GRID2: variants seen among roughly 807,000 people sequenced by gnomAD.
GRID2 encodes glutamate ionotropic receptor delta type subunit 2.
GRID2 carries 33 observed loss-of-function variants against 114.8 expected under a neutral mutation model. That is an observed-to-expected ratio of 0.29 (90% CI 0.22 to 0.38). The LOEUF (loss-of-function observed/expected upper bound fraction) is 0.38. Among genes scored for constraint, GRID2 ranks in the 10% least tolerant of loss-of-function variants. The pLI is 1.00. For synonymous variants in GRID2, 505 were observed against 449.9 expected (o/e 1.12, Z -1.55); for missense variants, 1,184 against 1,257.7 (o/e 0.94, Z 0.89).
intron 1 of GRID2, among the ~76,000 whole-genome samples, chr4:92,519,910 T>C (rs1724682700): frequency 6.6e-6 from 1 of 151,822 alleles, no homozygotes; most frequent in East Asian, 2.0e-4. Context: ...GGTCCACCCA[T>C]ATTGGGGGGC....
At chr4:92,919,994 G>T (rs577921187) in intron 2 of GRID2, among the ~76,000 whole-genome samples, 15 of 152,214 alleles carry the variant, frequency 9.9e-5, no homozygotes, top group African/African-American at 3.6e-4. Context: ...AAGTCTCTTT[G>T]TAGGTCCAAG....
chr4:92,563,809 A>T (rs1483788931), intron 1 of GRID2, among the ~76,000 whole-genome samples: 1 of 152,062 alleles, frequency 6.6e-6, no homozygotes, highest in Non-Finnish European at 1.5e-5. Flanking sequence ...CTACTCAGTT[A>T]CCTTTACTTC....
chr4:93,645,712 A>G (rs1722048353), intron 14 of GRID2, among the ~76,000 whole-genome samples: 1 of 152,086 alleles, frequency 6.6e-6, no homozygotes, highest in Non-Finnish European at 1.5e-5. Context: ...GCCTTACCAT[A>G]AGGCTTCTAT....
chr4:92,874,476 G>T (rs1034824575), intron 2 of GRID2, among the ~76,000 whole-genome samples: 3 of 152,008 alleles, frequency 2.0e-5, no homozygotes, highest in Non-Finnish European at 2.9e-5. Context: ...AATTAATAGT[G>T]ATAAGCAGTT....
rs28544360 is a variant in GRID2, at chr4:92,388,062, A to C, written c.88+83318A>C. Among the ~76,000 whole-genome samples, 1,242 of 152,140 alleles carry C rather than the reference A, an allele frequency of 8.2e-3. 5 individuals are homozygous for C. Among genetic ancestry groups the C allele is most frequent in the Non-Finnish European group, 0.012 (811 of 67,960 alleles). Reference sequence around the variant, plus strand: ...AATTTTTGTTACCGTTGTTGGACATAATATTTTACATTTCCTACCAGCACT... The same window carrying C: ...AATTTTTGTTACCGTTGTTGGACATCATATTTTACATTTCCTACCAGCACT... On this transcript the variant is annotated intron_variant, in intron 1 of 15. Coordinates refer to ENST00000282020, the MANE Select transcript of GRID2 (RefSeq NM_001510.4).
intron 14 of GRID2, among the ~76,000 whole-genome samples, chr4:93,645,524 G>GT (rs1722030646): frequency 2.0e-5 from 3 of 152,076 alleles, no homozygotes; most frequent in African/African-American, 7.2e-5. Context: ...AAAAGGTTGA[G>GT]GCAAAAATGT....
chr4:92,466,259 A>G (rs1721746332), intron 1 of GRID2, among the ~76,000 whole-genome samples: 1 of 151,870 alleles, frequency 6.6e-6, no homozygotes, highest in Admixed American at 6.6e-5. Flanking sequence ...TAGCTATTTG[A>G]AACTATATAA....
In GRID2 at chr4:92,598,925, C is replaced by T. The variant is rs75356966; in HGVS notation, c.244+8639C>T. Among the ~76,000 whole-genome samples the T allele has an allele frequency of 8.3e-3, 1,257 of 151,888 alleles. 12 individuals carry two copies. The highest frequency in any genetic ancestry group is 0.029 in the African/African-American group (1,198 of 41,402). Reference sequence around the variant, plus strand: ...TCCCATGGATACCTCTGAGCCTAACCTTATTACCTGCGTAGTCAGCGACAT... The same window carrying T: ...TCCCATGGATACCTCTGAGCCTAACTTTATTACCTGCGTAGTCAGCGACAT... On this transcript the variant is annotated intron_variant, in intron 2 of 15. Transcript: ENST00000282020.
At chr4:92,970,669 T>A (rs570970524) in intron 2 of GRID2, among the ~76,000 whole-genome samples, 2 of 151,976 alleles carry the variant, frequency 1.3e-5, no homozygotes, top group African/African-American at 2.4e-5. Flanking sequence ...AGTGAGAAAC[T>A]GTGTTTTAGA....
intron 10 of GRID2, among the ~76,000 whole-genome samples, chr4:93,451,984 T>G (rs1333275270): frequency 6.6e-6 from 1 of 152,120 alleles, no homozygotes; most frequent in African/African-American, 2.4e-5. Flanking sequence ...GTTGAATAAA[T>G]CAGTCTAGAT....
At chr4:92,973,038 TTGTTACTGTGAATAG>T (rs1253565192) in intron 2 of GRID2, among the ~76,000 whole-genome samples, 5 of 152,146 alleles carry the variant, frequency 3.3e-5, no homozygotes, top group Non-Finnish European at 7.4e-5. Context: ...TTCCATGTCT[TTGTTACTGTGAATAG>T]TGTTGCAATG....
chr4:93,351,528 G>T (rs374799368), intron 8 of GRID2, among the ~76,000 whole-genome samples: 33 of 152,066 alleles, frequency 2.2e-4, no homozygotes, highest in African/African-American at 8.0e-4. Context: ...GACCAGAAAT[G>T]TTATGGGCAT....
intron 2 of GRID2, among the ~76,000 whole-genome samples, chr4:92,617,131 G>T (rs1261195284): frequency 6.6e-6 from 1 of 150,964 alleles, no homozygotes; most frequent in Non-Finnish European, 1.5e-5. Context: ...ATATCCTACA[G>T]TGCTATAGTA....
chr4:93,272,843 T>C (rs1751611864), intron 8 of GRID2, among the ~76,000 whole-genome samples: 2 of 152,292 alleles, frequency 1.3e-5, no homozygotes, highest in South Asian at 2.1e-4. Context: ...GGTCCTTCGC[T>C]GGTCTCATAC....
chr4:93,618,532 G>C (rs1578412177), intron 13 of GRID2, among the ~76,000 whole-genome samples: 1 of 152,306 alleles, frequency 6.6e-6, no homozygotes, highest in Non-Finnish European at 1.5e-5. Flanking sequence ...GGGCTCTCCA[G>C]TCTTCTGGTC....
rs578170321 is a variant in GRID2 at position 92,748,089 on chromosome 4, G to A, written c.244+157803G>A. Among the ~76,000 whole-genome samples the A allele has an allele frequency of 5.3e-5, 8 of 152,246 alleles. No homozygotes were observed. In the East Asian group the frequency reaches 1.2e-3, roughly 22 times the overall value. On this transcript the variant is annotated intron_variant, in intron 2 of 15. Transcript: ENST00000282020. ...ACTTGCTTTCATCTTTTCTGGTCCT[G>A]CTCAGCCTGAGGAATGGGACCCTGA...
chr4:93,360,757 T>G (rs1579815514), intron 8 of GRID2, among the ~76,000 whole-genome samples: 1 of 151,988 alleles, frequency 6.6e-6, no homozygotes, highest in African/African-American at 2.4e-5. Flanking sequence ...TGTAATTCAA[T>G]TATATTATTT....
At chr4:92,913,856 C>T (rs1362157782) in intron 2 of GRID2, among the ~76,000 whole-genome samples, 2 of 151,954 alleles carry the variant, frequency 1.3e-5, no homozygotes, top group African/African-American at 2.4e-5. Context: ...AATTCCTCTT[C>T]CCTCACAAAA....
intron 14 of GRID2, among the ~76,000 whole-genome samples, chr4:93,632,175 A>G (rs1445179047): frequency 6.6e-6 from 1 of 151,956 alleles, no homozygotes; most frequent in Non-Finnish European, 1.5e-5. Context: ...TTGCCTGTTC[A>G]CTCTGATGGT....
Sources: allele counts gnomAD v4.1 joint callset (sites outside exome capture counted in the v4.1 genomes callset), GRCh38; gene constraint gnomAD v4.1.1; transcripts MANE v1.5; gene names NCBI Gene and HGNC (gene_info 2026-07-23, HGNC 2026-07-21).